The following ROBO2 variants were observed in gnomAD, a reference collection of about 807,000 sequenced individuals.
ROBO2 encodes the protein roundabout homolog 2.
In ROBO2, 53 loss-of-function variants were observed where a neutral mutation model predicts 160.8. The observed-to-expected ratio is 0.33, with a 90% CI of 0.26 to 0.41. The LOEUF (loss-of-function observed/expected upper bound fraction) is 0.41, where lower values mean the gene tolerates loss of function less well. Among genes scored for constraint, ROBO2 ranks in the 10% least tolerant of loss-of-function variants. ROBO2 has a pLI of 1.00. For missense variants in ROBO2, 1,577 were observed against 1,722.4 expected (o/e 0.92, Z 1.49); for synonymous variants, 664 against 611.7 (o/e 1.09, Z -1.26).
At chr3:76,317,612 A>T (rs957526873) in intron 2 of ROBO2, among the ~76,000 whole-genome samples, 1 of 152,170 alleles carries the variant, frequency 6.6e-6, no homozygotes, top group African/African-American at 2.4e-5. Context: ...TAAATAATTT[A>T]ATCTCCATCT....
intron 2 of ROBO2, among the ~76,000 whole-genome samples, chr3:77,200,264 ATTTTATATATATATATATATATAT>A (rs1199893454): frequency 3.1e-5 from 2 of 65,316 alleles, no homozygotes; most frequent in Non-Finnish European, 6.1e-5. Context: ...TAACTAACAT[ATTTTATATATATATATATATATAT>A]ATATATATAT....
chr3:76,819,029 G>A (rs2065908574), intron 2 of ROBO2, among the ~76,000 whole-genome samples: 1 of 152,024 alleles, frequency 6.6e-6, no homozygotes, highest in Non-Finnish European at 1.5e-5. Flanking sequence ...AATGCATAAA[G>A]GCTTTCATTG....
intron 2 of ROBO2, among the ~76,000 whole-genome samples, chr3:77,259,974 G>C (rs1189089406): frequency 1.3e-5 from 2 of 152,124 alleles, no homozygotes; most frequent in Non-Finnish European, 2.9e-5. Flanking sequence ...AGCTTTGCTG[G>C]GCTGTGGCAC....
At chr3:77,286,536 G>A (rs943527178) in intron 2 of ROBO2, among the ~76,000 whole-genome samples, 7 of 152,132 alleles carry the variant, frequency 4.6e-5, no homozygotes, top group Middle Eastern at 3.4e-3. Flanking sequence ...GATTACAGGC[G>A]TGAGTCACTG....
At chr3:76,181,380 TAAAAG>T (rs1178586010) in intron 2 of ROBO2, among the ~76,000 whole-genome samples, 7 of 134,152 alleles carry the variant, frequency 5.2e-5, no homozygotes, top group Non-Finnish European at 1.1e-4. Context: ...TAAGAACAAT[TAAAAG>T]AAAGGAAATT....
intron 17 of ROBO2, among the ~76,000 whole-genome samples, chr3:77,591,994 T>C (rs1001800345): frequency 3.9e-5 from 6 of 152,196 alleles, no homozygotes; most frequent in African/African-American, 1.4e-4. Flanking sequence ...CTAAATCTCA[T>C]GATCTAATAG....
chr3:77,282,560 T>G (rs1312287447), intron 2 of ROBO2, among the ~76,000 whole-genome samples: 1 of 152,078 alleles, frequency 6.6e-6, no homozygotes, highest in Non-Finnish European at 1.5e-5. Context: ...AAGTACAAAT[T>G]TTGTATGAAA....
chr3:76,275,925 G>T (rs564987935), intron 2 of ROBO2, among the ~76,000 whole-genome samples: 2 of 151,892 alleles, frequency 1.3e-5, no homozygotes, highest in Non-Finnish European at 2.9e-5. Flanking sequence ...AACTCGGAGG[G>T]GGGGAGCACT....
At chr3:77,615,508 A>G (rs2094751749) in intron 21 of ROBO2, among the ~76,000 whole-genome samples, 1 of 152,122 alleles carries the variant, frequency 6.6e-6, no homozygotes, top group Non-Finnish European at 1.5e-5. Flanking sequence ...GTTTCCTCTC[A>G]TCTAGCCTCT....
rs57920315 is a variant in ROBO2, at chr3:76,624,796, C to CAAAAAAAAAAAAAAA, written c.110-473194_110-473180dup. Among the ~76,000 whole-genome samples, 21 of 46,324 alleles carry CAAAAAAAAAAAAAAA rather than the reference C, an allele frequency of 4.5e-4. 1 individual carries two copies. Among genetic ancestry groups the CAAAAAAAAAAAAAAA allele is most frequent in the Admixed American group, 7.9e-4 (2 of 2,536 alleles). The allele number at this position is 46,324 out of a possible 152,430, so 30.4% of individuals were successfully genotyped here. A position where few individuals can be genotyped will look rare whatever the true frequency, so the allele number is the denominator to read the frequency against. The stretch of plus-strand genomic sequence containing the variant: ...TGAGTGACAGAGTGAGACTCCGTCT[C>CAAAAAAAAAAAAAAA]AAAAAAAAAAAAAAAAAAAAAAAAA... On this transcript the variant is annotated intron_variant, in intron 2 of 26. Coordinates refer to the ROBO2 transcript ENST00000487694.
intron 2 of ROBO2, among the ~76,000 whole-genome samples, chr3:76,309,083 G>C (rs1213037844): frequency 6.6e-6 from 1 of 151,964 alleles, no homozygotes. Flanking sequence ...TGAAATCTGT[G>C]CTTTTTCTTT....
chr3:76,064,783 A>G (rs989504337), intron 2 of ROBO2, among the ~76,000 whole-genome samples: 2 of 152,160 alleles, frequency 1.3e-5, no homozygotes, highest in African/African-American at 2.4e-5. Flanking sequence ...ACTTGAATCT[A>G]TGCTCCTGGA....
chr3:76,915,828 C>A (rs921761730), intron 2 of ROBO2, among the ~76,000 whole-genome samples: 21 of 152,210 alleles, frequency 1.4e-4, no homozygotes, highest in African/African-American at 5.1e-4. Flanking sequence ...GCCTAAACAG[C>A]AAATGTTTAT....
At chr3:77,084,538 T>C (rs2069060630) in intron 1 of ROBO2, among the ~76,000 whole-genome samples, 1 of 152,110 alleles carries the variant, frequency 6.6e-6, no homozygotes, top group Non-Finnish European at 1.5e-5. Flanking sequence ...TCCAGAATAA[T>C]TCTGTGTTCC....
At chr3:76,934,960 T>TG (rs2077596262) in intron 2 of ROBO2, among the ~76,000 whole-genome samples, 1 of 135,558 alleles carries the variant, frequency 7.4e-6, no homozygotes, top group Admixed American at 7.1e-5. Flanking sequence ...GCTTCACAAA[T>TG]TTTTTTTTTT....
At chr3:77,583,293 A>G (rs959812617) in intron 16 of ROBO2, among the ~76,000 whole-genome samples, 1 of 151,782 alleles carries the variant, frequency 6.6e-6, no homozygotes. Flanking sequence ...AGTTATCTGT[A>G]GGTACAAAGC....
At position 76,930,986 on chromosome 3, in the gene ROBO2, G is replaced by A. The variant is rs550358285; in HGVS notation, c.110-167028G>A. Among the ~76,000 whole-genome samples the A allele has an allele frequency of 4.7e-4, 72 of 152,250 alleles. No individual in the cohort carries two copies. The South Asian group carries it at 0.012, about 26-fold the overall frequency. On this transcript the variant is annotated intron_variant, in intron 2 of 26. Coordinates refer to the ROBO2 transcript ENST00000487694. ...GCTAATGTATTAAAGGAAGCATTGC[G>A]TAGCCTTTTTTTTCTCTGCTAGAAT... is the stretch of plus-strand genomic sequence containing the variant.
At chr3:76,624,295 T>G (rs114740371) in intron 2 of ROBO2, among the ~76,000 whole-genome samples, 1 of 152,144 alleles carries the variant, frequency 6.6e-6, no homozygotes, top group African/African-American at 2.4e-5. Flanking sequence ...TGGTAAGTGG[T>G]GCTTGTTTTC....
chr3:76,755,072 A>G (rs1046170456), intron 2 of ROBO2, among the ~76,000 whole-genome samples: 3 of 151,818 alleles, frequency 2.0e-5, no homozygotes, highest in Non-Finnish European at 2.9e-5. Flanking sequence ...AAATTCTGTA[A>G]TTAGCCCTCA....
Sources: allele counts gnomAD v4.1 joint callset (sites outside exome capture counted in the v4.1 genomes callset), GRCh38; gene constraint gnomAD v4.1.1; transcripts MANE v1.5; gene names NCBI Gene and HGNC (gene_info 2026-07-23, HGNC 2026-07-21).